The following DGKB variants were observed in gnomAD, a reference collection of about 807,000 sequenced individuals.
DGKB encodes the protein 90 kDa diacylglycerol kinase.
In DGKB, 67 loss-of-function variants were observed where a neutral mutation model predicts 114.3. That is an observed-to-expected ratio of 0.59 (90% CI 0.48 to 0.72). The LOEUF is 0.72. DGKB is among the 30% of genes least tolerant of loss of function. The probability of loss-of-function intolerance (pLI) is 0.00; values close to 1 mark genes in which losing one functional copy is unlikely to be tolerated. For missense variants in DGKB, 907 were observed against 975.2 expected (o/e 0.93, Z 0.93); for synonymous variants, 398 against 323.1 (o/e 1.23, Z -2.49).
At chr7:14,203,532 A>C (rs1237666588) in intron 23 of DGKB, among the ~76,000 whole-genome samples, 1 of 152,000 alleles carries the variant, frequency 6.6e-6, no homozygotes, top group Non-Finnish European at 1.5e-5. Flanking sequence ...ACAAAAGCAG[A>C]AAGAGCTTCT....
intron 1 of DGKB, among the ~76,000 whole-genome samples, chr7:14,854,739 T>C (rs756989949): frequency 1.3e-5 from 2 of 152,156 alleles, no homozygotes; most frequent in African/African-American, 4.8e-5. Flanking sequence ...ACCCCTGTAG[T>C]AGATGACTGA....
chr7:14,496,111 C>A (rs994654156), intron 20 of DGKB, among the ~76,000 whole-genome samples: 2 of 151,828 alleles, frequency 1.3e-5, no homozygotes, highest in African/African-American at 4.8e-5. Flanking sequence ...AACATACTGA[C>A]TTGCATTTTT....
chr7:14,668,761 C>T (rs1818470566), intron 13 of DGKB, among the ~76,000 whole-genome samples: 2 of 152,046 alleles, frequency 1.3e-5, no homozygotes, highest in South Asian at 4.1e-4. Flanking sequence ...GTTCTTACTT[C>T]CCTCACTTCC....
chr7:14,287,025 G>C (rs1040323234), intron 23 of DGKB, among the ~76,000 whole-genome samples: 1 of 151,968 alleles, frequency 6.6e-6, no homozygotes, highest in South Asian at 2.1e-4. Flanking sequence ...GGTGTATGTG[G>C]GGGTGGGGGA....
intron 23 of DGKB, among the ~76,000 whole-genome samples, chr7:14,298,459 GA>G (rs1370419588): frequency 1.3e-5 from 2 of 152,144 alleles, no homozygotes; most frequent in Non-Finnish European, 2.9e-5. Flanking sequence ...ATGGGGAAAG[GA>G]TTTCCTATTT....
chr7:14,401,040 A>G (rs993496751), intron 21 of DGKB, among the ~76,000 whole-genome samples: 4 of 151,868 alleles, frequency 2.6e-5, no homozygotes, highest in South Asian at 2.1e-4. Context: ...TAGTAGCAGC[A>G]GCCAACACCT....
At chr7:14,816,756 T>C (rs1475418055) in intron 2 of DGKB, among the ~76,000 whole-genome samples, 1 of 152,210 alleles carries the variant, frequency 6.6e-6, no homozygotes, top group Non-Finnish European at 1.5e-5. Flanking sequence ...AATAGGATGA[T>C]ATCTACATTC....
chr7:14,327,651 T>C (rs1808979898), intron 23 of DGKB, among the ~76,000 whole-genome samples: 1 of 152,098 alleles, frequency 6.6e-6, no homozygotes, highest in Non-Finnish European at 1.5e-5. Context: ...AAGAGCATTT[T>C]CCTACTTTTA....
At chr7:14,712,320 T>G (rs1046366236) in intron 6 of DGKB, among the ~76,000 whole-genome samples, 1 of 152,010 alleles carries the variant, frequency 6.6e-6, no homozygotes, top group Non-Finnish European at 1.5e-5. Context: ...ACAACTAAAA[T>G]AAAGGGTGAA....
chr7:14,914,518 C>G (rs1385463292), intron 1 of DGKB, among the ~76,000 whole-genome samples: 1 of 152,098 alleles, frequency 6.6e-6, no homozygotes, highest in East Asian at 1.9e-4. Context: ...ACAACCCTCA[C>G]TCCTAGCCAC....
chr7:14,614,580 C>A (rs1337238535), intron 15 of DGKB, among the ~76,000 whole-genome samples: 1 of 151,990 alleles, frequency 6.6e-6, no homozygotes, highest in African/African-American at 2.4e-5. Flanking sequence ...CCATATCATG[C>A]CCTTCCTTCC....
chr7:14,680,560 A>C (rs972343534), intron 12 of DGKB, among the ~76,000 whole-genome samples: 4 of 151,816 alleles, frequency 2.6e-5, no homozygotes, highest in Non-Finnish European at 5.9e-5. Context: ...GAACCATTAA[A>C]ACAAAAAGGA....
intron 17 of DGKB, among the ~76,000 whole-genome samples, chr7:14,597,705 A>C (rs911363305): frequency 4.6e-5 from 7 of 151,956 alleles, no homozygotes; most frequent in Admixed American, 2.0e-4. Context: ...GTCCAGAGAG[A>C]TTTTTACAGG....
At chr7:14,260,768 T>C (rs1382111354) in intron 23 of DGKB, among the ~76,000 whole-genome samples, 2 of 152,200 alleles carry the variant, frequency 1.3e-5, no homozygotes, top group Non-Finnish European at 2.9e-5. Context: ...TAACATTTTA[T>C]TTTTAGTAAA....
Position 14,729,123 on chromosome 7 carries a change from C to CTTTCTTTTTTTTT in DGKB, c.322+6917_322+6918insAAAAAAAAAGAAA, listed in dbSNP as rs1463141725. On this transcript the variant is annotated intron_variant, in intron 5 of 25. Coordinates refer to ENST00000402815, the MANE Select transcript of DGKB (RefSeq NM_001350709.2). ...AATGGAAACGGGTTTCATTTTCTTT[C>CTTTCTTTTTTTTT]TTTTTTTTTTTTTTTTTTTGATGGA... Among the ~76,000 whole-genome samples, 65 of 113,362 alleles carry CTTTCTTTTTTTTT rather than the reference C, an allele frequency of 5.7e-4. 2 individuals carry two copies. Among genetic ancestry groups the CTTTCTTTTTTTTT allele is most frequent in the African/African-American group, 1.9e-3 (52 of 27,436 alleles). 74.4% of individuals were successfully genotyped at this position (113,362 alleles called of 152,430 possible).
chr7:14,807,598 T>A (rs554677666), intron 2 of DGKB, among the ~76,000 whole-genome samples: 8 of 152,108 alleles, frequency 5.3e-5, no homozygotes, highest in South Asian at 4.1e-4. Context: ...TATTGTTGTG[T>A]TTCACAAGTG....
intron 1 of DGKB, among the ~76,000 whole-genome samples, chr7:14,972,899 T>C (rs539451373): frequency 1.4e-4 from 22 of 152,186 alleles, no homozygotes; most frequent in African/African-American, 5.3e-4. Flanking sequence ...TATGTGTGTA[T>C]ACATACATAT....
intron 20 of DGKB, among the ~76,000 whole-genome samples, chr7:14,540,158 C>T (rs1793186517): frequency 6.6e-6 from 1 of 152,052 alleles, no homozygotes; most frequent in Non-Finnish European, 1.5e-5. Flanking sequence ...AATAAAGGAA[C>T]ATTCCCATAC....
intron 20 of DGKB, among the ~76,000 whole-genome samples, chr7:14,507,666 C>A (rs895501591): frequency 1.3e-5 from 2 of 152,124 alleles, no homozygotes; most frequent in African/African-American, 4.8e-5. Flanking sequence ...CAATGTGATA[C>A]CCCCTGAAGC....
Sources: allele counts gnomAD v4.1 joint callset (sites outside exome capture counted in the v4.1 genomes callset), GRCh38; gene constraint gnomAD v4.1.1; transcripts MANE v1.5; gene names NCBI Gene and HGNC (gene_info 2026-07-23, HGNC 2026-07-21).